PTER: variants seen among roughly 807,000 people sequenced by gnomAD.
PTER encodes N-acetyltaurine hydrolase.
Under a neutral mutation model 29.6 loss-of-function variants are expected in PTER, and 38 were observed. The observed-to-expected ratio is 1.28, with a 90% CI of 0.99 to 1.68. The LOEUF (loss-of-function observed/expected upper bound fraction) is 1.68. PTER is among the 40% of genes most tolerant of loss of function. The pLI is 0.00. For missense variants in PTER, 482 were observed against 427.8 expected (o/e 1.13, Z -1.12); for synonymous variants, 172 against 154.5 (o/e 1.11, Z -0.84).
chr10:16,456,286 A>T (rs1274880435), intron 1 of PTER, among the ~76,000 whole-genome samples: 1 of 152,180 alleles, frequency 6.6e-6, no homozygotes, highest in African/African-American at 2.4e-5. Flanking sequence ...GCTGTCTGTG[A>T]TCCTGTTCTC....
intron 3 of PTER, among the ~76,000 whole-genome samples, chr10:16,504,393 T>TA: frequency 6.6e-6 from 1 of 152,186 alleles, no homozygotes; most frequent in Non-Finnish European, 1.5e-5. Context: ...AAATTTATCA[T>TA]AAAATAATAA....
chr10:16,452,490 TG>T (rs1391472392), intron 1 of PTER, among the ~76,000 whole-genome samples: 1 of 151,666 alleles, frequency 6.6e-6, no homozygotes, highest in African/African-American at 2.4e-5. Flanking sequence ...TTAGTAGAGA[TG>T]GGGTTTTACT....
At chr10:16,514,512 C>T (rs114662300), downstream of PTER, 2,440 of 1,607,762 alleles carry the variant, frequency 1.5e-3, 20 homozygotes, top group African/African-American at 0.023. Flanking sequence ...GAATAATAAG[C>T]TTAGTTTCTG....
intron 3 of PTER, among the ~76,000 whole-genome samples, chr10:16,492,565 C>T (rs1406933291): frequency 6.6e-6 from 1 of 152,162 alleles, no homozygotes; most frequent in East Asian, 1.9e-4. Flanking sequence ...TTTATGACGA[C>T]AAAATTCTTT....
intron 1 of PTER, among the ~76,000 whole-genome samples, chr10:16,469,364 C>T (rs867022167): frequency 1.3e-5 from 2 of 152,274 alleles, no homozygotes; most frequent in South Asian, 2.1e-4. Context: ...GGGAGAGACA[C>T]ATTCTTGTCT....
chr10:16,512,256 G>C lies in PTER; in HGVS notation c.*1000G>C, dbSNP rs970907678. The C allele has an allele frequency of 6.6e-6, 1 of 152,046 alleles. No individual in the cohort carries two copies. The highest frequency in any genetic ancestry group is 1.5e-5 in the Non-Finnish European group (1 of 67,962). 9.4% of individuals were successfully genotyped at this position (152,046 alleles called of 1,614,324 possible). The stretch of plus-strand genomic sequence containing the variant: ...CCCTGATATTTTGTGTAAATAAAAT[G>C]TTTTTAAAACCTGTTAGTTAAAACA... On this transcript the variant is annotated 3_prime_UTR_variant, in exon 5 of 5. Transcript: ENST00000535784.
At chr10:16,460,012 T>C (rs1490542815) in intron 1 of PTER, among the ~76,000 whole-genome samples, 2 of 152,224 alleles carry the variant, frequency 1.3e-5, no homozygotes, top group African/African-American at 4.8e-5. Flanking sequence ...CCTCCCACAG[T>C]GCTGGGATTA....
intron 1 of PTER, among the ~76,000 whole-genome samples, chr10:16,446,194 G>C (rs1311517410): frequency 6.6e-6 from 1 of 151,488 alleles, no homozygotes; most frequent in African/African-American, 2.4e-5. Flanking sequence ...AAATAGAGGT[G>C]CAATGCACGC....
intron 1 of PTER, among the ~76,000 whole-genome samples, chr10:16,445,849 T>C (rs1010856552): frequency 6.6e-6 from 1 of 152,076 alleles, no homozygotes; most frequent in Non-Finnish European, 1.5e-5. Flanking sequence ...CCTGAGGGGC[T>C]GACATGGCCA....
At chr10:16,514,738 T>G (rs751397462), downstream of PTER, 1 of 1,541,576 alleles carries the variant, frequency 6.5e-7, no homozygotes, top group South Asian at 1.2e-5. Flanking sequence ...TTAGGATGCG[T>G]AAATGAGAAT....
At chr10:16,501,353 ACACACACACACACACATG>A (rs918594482) in intron 3 of PTER, among the ~76,000 whole-genome samples, 9 of 115,684 alleles carry the variant, frequency 7.8e-5, no homozygotes, top group Admixed American at 2.7e-4. Flanking sequence ...ACACACACAC[ACACACACACACACACATG>A]CACACACACA....
chr10:16,503,740 A>C (rs147051304), intron 3 of PTER, among the ~76,000 whole-genome samples: 86 of 152,270 alleles, frequency 5.6e-4, no homozygotes, highest in African/African-American at 2.0e-3. Flanking sequence ...TGGTTTCACT[A>C]TGTTGGCTAG....
At chr10:16,510,543 C>G (rs887718225) in intron 4 of PTER, among the ~76,000 whole-genome samples, 6 of 152,192 alleles carry the variant, frequency 3.9e-5, no homozygotes, top group African/African-American at 1.4e-4. Context: ...ACTGATTTTG[C>G]TCTCAGAATA....
At chr10:16,504,259 T>C (rs1175084832) in intron 3 of PTER, among the ~76,000 whole-genome samples, 1 of 152,336 alleles carries the variant, frequency 6.6e-6, no homozygotes, top group Admixed American at 6.5e-5. Flanking sequence ...CTCTGTACTC[T>C]ACGCTTGTCT....
chr10:16,437,273 T>C (rs1833683875), intron 1 of PTER: 1 of 151,476 alleles, frequency 6.6e-6, no homozygotes, highest in Admixed American at 6.6e-5. Flanking sequence ...CAGCTCCCTG[T>C]GGCTCGACAG....
At chr10:16,515,234 A>G (rs969817229), downstream of PTER, among the ~76,000 whole-genome samples, 2 of 151,722 alleles carry the variant, frequency 1.3e-5, no homozygotes, top group East Asian at 2.0e-4. Context: ...GAAAAAAAAA[A>G]AAAAGAAAAA....
chr10:16,458,590 G>A (rs1834496426), intron 1 of PTER, among the ~76,000 whole-genome samples: 1 of 152,210 alleles, frequency 6.6e-6, no homozygotes, highest in Non-Finnish European at 1.5e-5. Context: ...AACACTGAAA[G>A]CAATGCTTGT....
At chr10:16,446,243 A>T (rs1294449573) in intron 1 of PTER, among the ~76,000 whole-genome samples, 2 of 149,544 alleles carry the variant, frequency 1.3e-5, no homozygotes, top group Non-Finnish European at 3.0e-5. Context: ...TTTGAGATAG[A>T]GTTGGTCTGT....
chr10:16,494,381 T>G (rs932817973), intron 3 of PTER, among the ~76,000 whole-genome samples: 1 of 152,208 alleles, frequency 6.6e-6, no homozygotes, highest in African/African-American at 2.4e-5. Context: ...TCCTTCCTTA[T>G]GATGTCATTA....
Sources: allele counts gnomAD v4.1 joint callset (sites outside exome capture counted in the v4.1 genomes callset), GRCh38; gene constraint gnomAD v4.1.1; transcripts MANE v1.5; gene names NCBI Gene and HGNC (gene_info 2026-07-23, HGNC 2026-07-21).